Variants in SCYL2 observed in about 807,000 individuals in gnomAD.
SCYL2 encodes the protein SCY1-like protein 2.
In SCYL2, 36 loss-of-function variants were observed where a neutral mutation model predicts 100.4. The observed-to-expected ratio is 0.36, with a 90% confidence interval of 0.27 to 0.47. SCYL2 has a LOEUF of 0.47. SCYL2 is among the 20% of genes least tolerant of loss of function. The pLI, the probability that SCYL2 is intolerant of heterozygous loss-of-function variation, is 1.00. For missense variants in SCYL2, 902 were observed against 1,083.9 expected (o/e 0.83, Z 2.36); for synonymous variants, 330 against 359.2 (o/e 0.92, Z 0.92).
chr12:100,302,218 G>C (rs1372422190), intron 4 of SCYL2, among the ~76,000 whole-genome samples: 1 of 152,150 alleles, frequency 6.6e-6, no homozygotes, highest in Non-Finnish European at 1.5e-5. Flanking sequence ...CATTGCCTGG[G>C]GTTGGGTGGG....
chr12:100,339,406 ACCCAG>A lies in SCYL2; in HGVS notation c.*238_*242del, dbSNP rs1952325208. ...CCAACTCCTCTTCAGGTTTTTAAAG[ACCCAG>A]CCCTTCCCAATCTCAAAGAGAAAAA... On this transcript the variant is annotated 3_prime_UTR_variant, in exon 18 of 18. Transcript: ENST00000360820. 2.2e-6 allele frequency: 1 copy of A among 444,970 alleles called. No individual in the cohort carries two copies. The highest frequency in any genetic ancestry group is 3.6e-5 in the East Asian group (1 of 27,764). 27.6% of individuals were successfully genotyped at this position (444,970 alleles called of 1,614,324 possible). A position where few individuals can be genotyped will look rare whatever the true frequency, so the allele number is the denominator to read the frequency against.
chr12:100,287,272 T>TTTGTTGTTG (rs553036903), intron 2 of SCYL2, among the ~76,000 whole-genome samples: 1 of 151,968 alleles, frequency 6.6e-6, no homozygotes, highest in African/African-American at 2.4e-5. Context: ...TTCTTTGGTT[T>TTTGTTGTTG]TTGTTGTTGT....
At chr12:100,335,037 A>G (rs1299241146) in intron 14 of SCYL2, among the ~76,000 whole-genome samples, 1 of 152,082 alleles carries the variant, frequency 6.6e-6, no homozygotes, top group Non-Finnish European at 1.5e-5. Context: ...AGCCCTTTGT[A>G]TGCTTGAAGT....
intron 4 of SCYL2, among the ~76,000 whole-genome samples, chr12:100,300,771 T>C (rs2096326618): frequency 6.6e-6 from 1 of 152,234 alleles, no homozygotes; most frequent in Non-Finnish European, 1.5e-5. Context: ...GTCCCTGAGT[T>C]ATTTTGCTTA....
At chr12:100,268,472 A>G (rs2096282638) in intron 1 of SCYL2, among the ~76,000 whole-genome samples, 2 of 152,318 alleles carry the variant, frequency 1.3e-5, no homozygotes, top group East Asian at 3.9e-4. Flanking sequence ...AAATCAGCTG[A>G]GTATATAAAT....
intron 2 of SCYL2, among the ~76,000 whole-genome samples, chr12:100,287,888 CA>C (rs1481686677): frequency 1.3e-5 from 2 of 152,050 alleles, no homozygotes; most frequent in Non-Finnish European, 2.9e-5. Flanking sequence ...TATCAGTAAG[CA>C]ATAGACATCT....
At chr12:100,331,331 G>T (rs928505926) in intron 13 of SCYL2, among the ~76,000 whole-genome samples, 2 of 152,016 alleles carry the variant, frequency 1.3e-5, no homozygotes, top group African/African-American at 4.8e-5. Flanking sequence ...CTTATTTTAG[G>T]ATATATAGGC....
chr12:100,292,896 C>T (rs899347823), intron 3 of SCYL2, among the ~76,000 whole-genome samples: 41 of 152,228 alleles, frequency 2.7e-4, no homozygotes, highest in African/African-American at 9.4e-4. Flanking sequence ...TAGCTCACTG[C>T]AGCCTCGAAC....
chr12:100,318,098 CTAAT>C (rs1287940104), intron 10 of SCYL2, among the ~76,000 whole-genome samples, 173 bp downstream of exon 10: 1 of 152,122 alleles, frequency 6.6e-6, no homozygotes, highest in Non-Finnish European at 1.5e-5. Flanking sequence ...TCACTCCTAA[CTAAT>C]TTAAAGAATC....
chr12:100,294,833 T>C (rs372532490), intron 3 of SCYL2, among the ~76,000 whole-genome samples: 29,682 of 137,106 alleles, frequency 0.22, 3,332 homozygotes, highest in African/African-American at 0.31. Flanking sequence ...GGGTGGCTGC[T>C]GGGCGGAGAC....
intron 4 of SCYL2, 65 bp from the exon 5 acceptor site, chr12:100,310,979 T>C (rs1052561665): frequency 5.9e-6 from 8 of 1,359,136 alleles, no homozygotes; most frequent in African/African-American, 3.0e-5. Context: ...ATTATTTTTG[T>C]GAGACATTTT....
chr12:100,325,495 C>G (rs183221793), intron 11 of SCYL2, among the ~76,000 whole-genome samples: 7 of 152,264 alleles, frequency 4.6e-5, no homozygotes, highest in East Asian at 1.9e-4. Flanking sequence ...TTCTGCCTAC[C>G]TTCAGAGTGG....
chr12:100,268,086 A>T (rs1028502795), intron 1 of SCYL2, among the ~76,000 whole-genome samples: 6 of 152,224 alleles, frequency 3.9e-5, no homozygotes, highest in African/African-American at 1.4e-4. Context: ...TAAGGAGGCC[A>T]TATTATCAAA....
intron 3 of SCYL2, among the ~76,000 whole-genome samples, chr12:100,295,904 A>G (rs1223854603): frequency 2.6e-5 from 4 of 152,178 alleles, no homozygotes; most frequent in East Asian, 1.9e-4. Flanking sequence ...TGTGAGCTCC[A>G]TGGAGCAGAT....
chr12:100,298,613 G>A (rs775610932), intron 4 of SCYL2, among the ~76,000 whole-genome samples: 1 of 150,336 alleles, frequency 6.7e-6, no homozygotes, highest in Non-Finnish European at 1.5e-5. Context: ...GCAATGGCAC[G>A]ATCTCAGCTC....
intron 1 of SCYL2, among the ~76,000 whole-genome samples, chr12:100,276,383 A>G (rs2096292512): frequency 6.6e-6 from 1 of 152,086 alleles, no homozygotes; most frequent in African/African-American, 2.4e-5. Flanking sequence ...CGCAGGCCAG[A>G]GGAGAGTGGC....
At chr12:100,297,513 T>C (rs1566353602) in intron 3 of SCYL2, among the ~76,000 whole-genome samples, 1 of 152,202 alleles carries the variant, frequency 6.6e-6, no homozygotes, top group Non-Finnish European at 1.5e-5. Context: ...ATAAAATAGA[T>C]CAAAGCTGTT....
intron 1 of SCYL2, among the ~76,000 whole-genome samples, chr12:100,272,072 A>T (rs1483087451): frequency 1.3e-5 from 2 of 152,150 alleles, no homozygotes; most frequent in African/African-American, 4.8e-5. Context: ...AAGCCAGGTG[A>T]TGGCTGAGCT....
At chr12:100,313,121 C>A (rs1212859850) in intron 6 of SCYL2, among the ~76,000 whole-genome samples, 2 of 151,988 alleles carry the variant, frequency 1.3e-5, no homozygotes, top group Admixed American at 6.6e-5. Flanking sequence ...CAGAGTGAGA[C>A]CCTGTCTCAA....
Sources: gnomAD v4.1 joint callset for allele counts (sites outside exome capture counted in the v4.1 genomes callset) on GRCh38, gnomAD v4.1.1 for gene constraint, MANE v1.5 for transcripts, NCBI Gene and HGNC (gene_info 2026-07-23, HGNC 2026-07-21) for gene names.